The following DCN variants were observed in gnomAD, a reference collection of about 807,000 sequenced individuals.
DCN encodes the protein bone proteoglycan II.
DCN carries 17 observed loss-of-function variants against 36.5 expected under a neutral mutation model. The ratio of observed to expected loss-of-function variants is 0.47; its 90% CI spans 0.32 to 0.70. The LOEUF (loss-of-function observed/expected upper bound fraction) is 0.70. Among genes scored for constraint, DCN ranks in the 30% least tolerant of loss-of-function variants. The pLI is 0.04. For synonymous variants in DCN, 163 were observed against 161.4 expected (o/e 1.01, Z -0.07); for missense variants, 389 against 430.1 (o/e 0.90, Z 0.84).
At chr12:91,162,293 T>A (rs999160279) in intron 3 of DCN, among the ~76,000 whole-genome samples, 5 of 152,066 alleles carry the variant, frequency 3.3e-5, no homozygotes, top group African/African-American at 9.7e-5. Flanking sequence ...TAGAAAAAAA[T>A]TTTTCTTCCT....
chr12:91,164,025 A>G (rs1199320513), intron 3 of DCN, among the ~76,000 whole-genome samples: 1 of 152,214 alleles, frequency 6.6e-6, no homozygotes, highest in African/African-American at 2.4e-5. Flanking sequence ...TATGGGGTAT[A>G]TGTATTAAAA....
chr12:91,146,270 A>G lies in DCN; in HGVS notation c.886-18T>C. The G allele has an allele frequency of 1.3e-6, 2 of 1,490,444 alleles. No individual in the cohort carries two copies. The highest frequency in any genetic ancestry group is 1.9e-6 in the Non-Finnish European group (2 of 1,069,330). 92.3% of individuals were successfully genotyped at this position (1,490,444 alleles called of 1,614,324 possible). On this transcript the variant is annotated intron_variant, in intron 7 of 7. Coordinates refer to ENST00000052754, the MANE Select transcript of DCN (RefSeq NM_001920.5). ...TAGACAACCTACAACATGAAACGAT[A>G]GAAAATAATTATTATTCTCTAAATA...
Position 91,178,278 on chromosome 12 carries a change from C to A in DCN, c.211+64G>T, listed in dbSNP as rs538859858. On this transcript the variant is annotated intron_variant, in intron 2 of 7. Transcript: ENST00000052754. Reference sequence around the variant, plus strand: ...ATTAAAACTGAAAATGCTAAACTCTCAGAGTTGCCATTCCCAAGAATAAAA... The same window carrying A: ...ATTAAAACTGAAAATGCTAAACTCTAAGAGTTGCCATTCCCAAGAATAAAA... 1.2e-4 allele frequency: 168 copies of A among 1,400,996 alleles called. No homozygotes were observed. The East Asian group carries it at 2.3e-3, about 20-fold the overall frequency. The allele number at this position is 1,400,996 out of a possible 1,614,324, so 86.8% of individuals were successfully genotyped here.
intron 3 of DCN, among the ~76,000 whole-genome samples, chr12:91,162,408 C>A (rs201553261): frequency 1.3e-5 from 2 of 152,096 alleles, no homozygotes; most frequent in Non-Finnish European, 2.9e-5. Context: ...ATTATAGTAA[C>A]TCTGTAATAA....
chr12:91,152,626 T>C (rs1278887247), intron 6 of DCN, among the ~76,000 whole-genome samples: 1 of 152,168 alleles, frequency 6.6e-6, no homozygotes, highest in East Asian at 1.9e-4. Flanking sequence ...TATTTTATTT[T>C]AAACTTTTCA....
At position 91,141,816 on chromosome 12, in the gene DCN, C is replaced by T. The variant is rs1047868657; in HGVS notation, c.*4242G>A. ...TGGCCTGGGAAGAGTCTCCTGATCTCCAATGCCTAAGTGATTGATGGCAGT... is the reference window on the plus strand; with the variant it reads ...TGGCCTGGGAAGAGTCTCCTGATCTTCAATGCCTAAGTGATTGATGGCAGT... On this transcript the variant is annotated 3_prime_UTR_variant, in exon 8 of 8. Transcript: ENST00000052754. 1.3e-5 allele frequency: 2 copies of T among 152,068 alleles called. No individual in the cohort carries two copies. Among genetic ancestry groups the T allele is most frequent in the Non-Finnish European group, 2.9e-5 (2 of 67,998 alleles). 9.4% of individuals were successfully genotyped at this position (152,068 alleles called of 1,614,324 possible). A position where few individuals can be genotyped will look rare whatever the true frequency, so the allele number is the denominator to read the frequency against.
At chr12:91,158,558 T>TA (rs1565778804) in intron 3 of DCN, 49 bp from the exon 4 acceptor site, 1 of 966,258 alleles carries the variant, frequency 1.0e-6, no homozygotes, top group Non-Finnish European at 1.7e-6. Flanking sequence ...ACCTTCCACA[T>TA]ACATGTAAAA....
intron 3 of DCN, among the ~76,000 whole-genome samples, chr12:91,158,790 C>T (rs1402058986): frequency 6.6e-6 from 1 of 152,054 alleles, no homozygotes; most frequent in Non-Finnish European, 1.5e-5. Context: ...GGCGAAATCC[C>T]GTCTGTATCA....
At chr12:91,174,008 AC>A (rs1310263983) in intron 2 of DCN, among the ~76,000 whole-genome samples, 2 of 152,194 alleles carry the variant, frequency 1.3e-5, no homozygotes, top group African/African-American at 4.8e-5. Context: ...ATTATTAGAA[AC>A]CAGTAGTTAT....
In DCN at chr12:91,142,232, T is replaced by A. The variant is rs192549249; in HGVS notation, c.*3826A>T. 9.8e-5 allele frequency: 15 copies of A among 152,316 alleles called. No homozygotes were observed. In the East Asian group the frequency reaches 2.9e-3, roughly 29 times the overall value. The allele number at this position is 152,316 out of a possible 1,614,324, so 9.4% of individuals were successfully genotyped here. ...AATGTCGACTCAGCAACCTCGAATG[T>A]CTGTGCTGCAGGAGAGTCTGAAGGA... On this transcript the variant is annotated 3_prime_UTR_variant, in exon 8 of 8. Coordinates refer to ENST00000052754, the MANE Select transcript of DCN (RefSeq NM_001920.5).
intron 3 of DCN, among the ~76,000 whole-genome samples, chr12:91,162,691 AG>A (rs1327498770): frequency 2.0e-5 from 3 of 152,222 alleles, no homozygotes; most frequent in Admixed American, 2.0e-4. Context: ...ACAAATCACT[AG>A]GTAAGTCTCT....
chr12:91,170,859 T>C (rs1047050232), intron 2 of DCN, among the ~76,000 whole-genome samples: 3 of 152,270 alleles, frequency 2.0e-5, no homozygotes, highest in Admixed American at 6.5e-5. Context: ...CTAAACCTAA[T>C]CTTCAAAAAA....
chr12:91,167,388 C>T (rs3138209), intron 2 of DCN, among the ~76,000 whole-genome samples: 7,749 of 150,594 alleles, frequency 0.051, 673 homozygotes, highest in African/African-American at 0.18. Context: ...TTTAGCAATC[C>T]ATATCAAAAT....
chr12:91,170,594 C>A (rs367921695), intron 2 of DCN, among the ~76,000 whole-genome samples: 35 of 152,252 alleles, frequency 2.3e-4, no homozygotes, highest in African/African-American at 8.4e-4. Flanking sequence ...GTCAATTTAA[C>A]CCTATTTTAA....
chr12:91,165,294 T>A (rs1882481836), intron 2 of DCN, among the ~76,000 whole-genome samples: 1 of 152,200 alleles, frequency 6.6e-6, no homozygotes, highest in South Asian at 2.1e-4. Context: ...CAAAACAATA[T>A]CCATTTCAGT....
chr12:91,164,185 G>A (rs562963426), intron 3 of DCN, among the ~76,000 whole-genome samples: 2 of 151,812 alleles, frequency 1.3e-5, no homozygotes, highest in Non-Finnish European at 2.9e-5. Context: ...ATGGACACAG[G>A]AAGGGGAATA....
chr12:91,167,835 T>C (rs1882682940), intron 2 of DCN, among the ~76,000 whole-genome samples: 4 of 152,086 alleles, frequency 2.6e-5, no homozygotes, highest in Admixed American at 2.0e-4. Context: ...TTTGTTTTTG[T>C]TTTTGTTTTT....
At position 91,145,838 on chromosome 12, in the gene DCN, C is replaced by G. The variant is rs886049890; in HGVS notation, c.*220G>C. On this transcript the variant is annotated 3_prime_UTR_variant, in exon 8 of 8. Coordinates refer to ENST00000052754, the MANE Select transcript of DCN (RefSeq NM_001920.5). ...ATATCTCTAGTAGCTCAGTTAACAT[C>G]AACAGAAAGCTTCAAAAGATGATTC... 3.4e-5 allele frequency: 19 copies of G among 558,142 alleles called. No homozygotes were observed. Among genetic ancestry groups the G allele is most frequent in the Admixed American group, 3.1e-4 (10 of 32,582 alleles). 34.6% of individuals were successfully genotyped at this position (558,142 alleles called of 1,614,324 possible). A position where few individuals can be genotyped will look rare whatever the true frequency, so the allele number is the denominator to read the frequency against.
chr12:91,166,730 T>C (rs1301484308), intron 2 of DCN, among the ~76,000 whole-genome samples: 3 of 152,104 alleles, frequency 2.0e-5, no homozygotes, highest in African/African-American at 7.2e-5. Flanking sequence ...TTTATAACAC[T>C]AGGAACTACT....
Sources: gnomAD v4.1 joint callset for allele counts (sites outside exome capture counted in the v4.1 genomes callset) on GRCh38, gnomAD v4.1.1 for gene constraint, MANE v1.5 for transcripts, NCBI Gene and HGNC (gene_info 2026-07-23, HGNC 2026-07-21) for gene names.